The following RTN3 variants were observed in gnomAD, a reference collection of about 807,000 sequenced individuals.
The protein encoded by RTN3 is reticulon-3.
Under a neutral mutation model 77.8 loss-of-function variants are expected in RTN3, and 49 were observed. The ratio of observed to expected loss-of-function variants is 0.63; its 90% CI spans 0.50 to 0.80. The LOEUF (loss-of-function observed/expected upper bound fraction) is 0.80. Among genes scored for constraint, RTN3 ranks in the 30% least tolerant of loss-of-function variants. The probability of loss-of-function intolerance (pLI) is 0.00; values close to 1 mark genes in which losing one functional copy is unlikely to be tolerated. For missense variants in RTN3, 1,236 were observed against 1,211.9 expected (o/e 1.02, Z -0.29); for synonymous variants, 464 against 446.9 (o/e 1.04, Z -0.48).
intron 3 of RTN3, among the ~76,000 whole-genome samples, chr11:63,744,479 A>C (rs2013680453): frequency 6.6e-6 from 1 of 152,146 alleles, no homozygotes; most frequent in Admixed American, 6.5e-5. Flanking sequence ...CTAGGCCACA[A>C]ATCCATACAG....
chr11:63,707,226 A>G (rs1942538986), intron 2 of RTN3, among the ~76,000 whole-genome samples: 1 of 152,068 alleles, frequency 6.6e-6, no homozygotes. Context: ...TAGAAAAGGG[A>G]TAGTTGATAC....
intron 3 of RTN3, among the ~76,000 whole-genome samples, chr11:63,742,184 T>C (rs1054577006): frequency 2.7e-5 from 4 of 150,702 alleles, no homozygotes; most frequent in African/African-American, 9.7e-5. Context: ...TTTCACCGTG[T>C]TAGCCAGGAT....
intron 1 of RTN3, 89 bp from the exon 2 acceptor site, chr11:63,704,762 C>A: frequency 1.1e-6 from 1 of 913,278 alleles, no homozygotes; most frequent in Non-Finnish European, 1.8e-6. Flanking sequence ...AATTATGATG[C>A]TTGGCTCTTC....
rs2011603024 is a variant in RTN3 at position 63,719,520 on chromosome 11, C to G, written c.1018C>G (p.Leu340Val). Residue 340 changes from leucine (L) to valine (V), a missense_variant, in exon 3 of 9, where the codon CTG becomes GTG. By Grantham distance (32) the Leu-to-Val change is conservative. Coordinates refer to ENST00000377819, the MANE Select transcript of RTN3 (RefSeq NM_001265589.2). ...NDMHNFTNEILTWDLVPQVKQ... is the reference protein window; with the variant it reads ...NDMHNFTNEIVTWDLVPQVKQ... ...TATGCATAACTTTACTAACGAAATACTGACTTGGGATCTGGTTCCCCAAGT... is the reference window on the plus strand; with the variant it reads ...TATGCATAACTTTACTAACGAAATAGTGACTTGGGATCTGGTTCCCCAAGT... 1 of 1,614,192 alleles carries G rather than the reference C, an allele frequency of 6.2e-7. No individual in the cohort carries two copies.
rs112438848 is a variant in RTN3, at chr11:63,749,532, G to A, written c.2531-459G>A. Among the ~76,000 whole-genome samples the A allele has an allele frequency of 9.7e-4, 148 of 152,260 alleles. 1 individual carries two copies. Among genetic ancestry groups the A allele is most frequent in the Non-Finnish European group, 1.8e-3 (124 of 68,018 alleles). ...CCTGGTTTGCATAATTTAGTTAACA[G>A]CAAGATTTTGCCACACCTGCTTTAT... is the stretch of plus-strand genomic sequence containing the variant. On this transcript the variant is annotated intron_variant, in intron 3 of 8. Transcript: ENST00000377819.
chr11:63,694,483 T>C (rs1262676753), intron 1 of RTN3, among the ~76,000 whole-genome samples: 1 of 151,112 alleles, frequency 6.6e-6, no homozygotes, highest in Non-Finnish European at 1.5e-5. Context: ...GCCTTTTAAT[T>C]TACTTTTAAG....
chr11:63,687,447 C>T (rs1941433977), intron 1 of RTN3, among the ~76,000 whole-genome samples: 1 of 151,982 alleles, frequency 6.6e-6, no homozygotes, highest in South Asian at 2.1e-4. Context: ...TGAAACCCTG[C>T]CTCTATTAAA....
chr11:63,719,988 A>C lies in RTN3; in HGVS notation c.1486A>C (p.Ser496Arg), dbSNP rs1353491693. ...ATTGGGAGAAATCACAGAAGCTGAT[A>C]GTTCTGGTGAGTCTGATGACACAGT... Reference protein sequence around the residue: ...SALGEITEADSSGESDDTVIE... With the variant: ...SALGEITEADRSGESDDTVIE... The change falls in exon 3 of 9, where the codon AGT becomes CGT. Residue 496 changes from serine (S) to arginine (R), a missense_variant. Ser to Arg is a moderately radical substitution (Grantham distance 110, BLOSUM62 -1). Around this residue, in one of 3 missense-constraint regions of RTN3, gnomAD observed 1,056 missense variants for 990.4 expected, o/e 1.07. Coordinates refer to ENST00000377819, the MANE Select transcript of RTN3 (RefSeq NM_001265589.2). 1 of 1,614,214 alleles carries C rather than the reference A, an allele frequency of 6.2e-7. No homozygotes were observed. The highest frequency in any genetic ancestry group is 8.5e-7 in the Non-Finnish European group (1 of 1,180,028).
At chr11:63,717,595 G>A (rs1268983973) in intron 2 of RTN3, among the ~76,000 whole-genome samples, 1 of 151,268 alleles carries the variant, frequency 6.6e-6, no homozygotes, top group Non-Finnish European at 1.5e-5. Context: ...TCACCATTTT[G>A]GTCAGGCTGG....
intron 3 of RTN3, among the ~76,000 whole-genome samples, chr11:63,748,120 CT>C (rs1448938487): frequency 6.6e-6 from 1 of 151,318 alleles, no homozygotes; most frequent in Non-Finnish European, 1.5e-5. Context: ...CGAGACCAGC[CT>C]GGCCAATATG....
At chr11:63,696,186 C>T (rs967766302) in intron 1 of RTN3, among the ~76,000 whole-genome samples, 1 of 147,628 alleles carries the variant, frequency 6.8e-6, no homozygotes, top group East Asian at 2.0e-4. Flanking sequence ...GAGGCTTAGG[C>T]GGACAGATCT....
At chr11:63,732,016 A>C (rs2012725688) in intron 3 of RTN3, among the ~76,000 whole-genome samples, 1 of 152,178 alleles carries the variant, frequency 6.6e-6, no homozygotes, top group Non-Finnish European at 1.5e-5. Flanking sequence ...CTAAGGTTCG[A>C]ACTTGAAAAT....
chr11:63,711,865 T>C (rs990999283), intron 2 of RTN3, among the ~76,000 whole-genome samples: 1 of 151,976 alleles, frequency 6.6e-6, no homozygotes, highest in Admixed American at 6.6e-5. Context: ...CGCTGGGCCC[T>C]ACAATTTTTT....
chr11:63,710,637 G>A (rs1463419671), intron 2 of RTN3, among the ~76,000 whole-genome samples: 1 of 152,170 alleles, frequency 6.6e-6, no homozygotes, highest in Non-Finnish European at 1.5e-5. Flanking sequence ...GGCTCCTCCT[G>A]TGGGATTTTT....
intron 2 of RTN3, among the ~76,000 whole-genome samples, chr11:63,713,434 C>T (rs1297217426): frequency 2.6e-5 from 4 of 152,122 alleles, no homozygotes; most frequent in African/African-American, 7.2e-5. Flanking sequence ...TTCAGCCTCC[C>T]AAGTAGTCAG....
intron 1 of RTN3, among the ~76,000 whole-genome samples, chr11:63,699,694 T>G (rs1434969885): frequency 6.6e-6 from 1 of 152,248 alleles, no homozygotes; most frequent in Admixed American, 6.5e-5. Context: ...TTTCCCTTCC[T>G]TGTTCACCTC....
chr11:63,715,629 G>T (rs1359810514), intron 2 of RTN3, among the ~76,000 whole-genome samples: 1 of 152,130 alleles, frequency 6.6e-6, no homozygotes. Context: ...CTGCACTCCA[G>T]CCTGGGCAAC....
intron 7 of RTN3, among the ~76,000 whole-genome samples, chr11:63,754,506 C>T (rs1440813769): frequency 6.6e-6 from 1 of 152,066 alleles, no homozygotes; most frequent in Non-Finnish European, 1.5e-5. Flanking sequence ...CGAGACCATC[C>T]TGGCTAACAC....
Position 63,758,473 on chromosome 11 carries a change from T to A in RTN3, c.*272T>A. ...AATACCTTAATGGTGGTAGAGCCTT[T>A]ACCTGTAGCTTGAAAGGGGAAAGAT... On this transcript the variant is annotated 3_prime_UTR_variant, in exon 9 of 9. Coordinates refer to ENST00000377819, the MANE Select transcript of RTN3 (RefSeq NM_001265589.2). 1.2e-6 allele frequency: 1 copy of A among 819,670 alleles called. No individual in the cohort carries two copies. Among genetic ancestry groups the A allele is most frequent in the Non-Finnish European group, 1.8e-6 (1 of 543,642 alleles). 50.8% of individuals were successfully genotyped at this position (819,670 alleles called of 1,614,324 possible).
Sources: allele counts gnomAD v4.1 joint callset (sites outside exome capture counted in the v4.1 genomes callset), GRCh38; gene constraint gnomAD v4.1.1; regional missense constraint gnomAD v4.1.1; transcripts MANE v1.5; gene names NCBI Gene and HGNC (gene_info 2026-07-23, HGNC 2026-07-21).